The following MID1 variants were observed in gnomAD, a reference collection of about 807,000 sequenced individuals.
MID1 encodes the protein midline 1.
Under a neutral mutation model 40.4 loss-of-function variants are expected in MID1, and 7 were observed. The observed-to-expected ratio is 0.17, with a 90% CI of 0.10 to 0.33. MID1 has a LOEUF of 0.33. MID1 is among the 10% of genes least tolerant of loss of function. MID1 has a pLI of 1.00. For missense variants in MID1, 367 were observed against 558.5 expected, an observed-to-expected ratio of 0.66 and a Z score of 3.46; for synonymous variants, 229 against 221.2, an observed-to-expected ratio of 1.04 and a Z score of -0.31.
At chrX:10,559,040 C>T (rs1040670433) in intron 2 of MID1, among the ~76,000 whole-genome samples, 1 of 112,141 alleles carries the variant, frequency 8.9e-6, no homozygotes, top group Admixed American at 9.5e-5. Context: ...TTGAGTTTCC[C>T]ATTAAGAACA....
intron 1 of MID1, among the ~76,000 whole-genome samples, chrX:10,666,406 CAAA>C (rs33938561): frequency 1.5e-5 from 1 of 68,846 alleles, no homozygotes. Flanking sequence ...TGATAAACTG[CAAA>C]AAAAAAAAAA....
rs757588955 is a variant in MID1, at chrX:10,501,738, G to A, written c.757-6047C>T. Among the ~76,000 whole-genome samples, 3 of 111,556 alleles carry A rather than the reference G, an allele frequency of 2.7e-5. No homozygotes were observed. In the South Asian group the frequency reaches 1.2e-3, roughly 43 times the overall value. On this transcript the variant is annotated intron_variant, in intron 3 of 9. Transcript: ENST00000317552. ...CCATGTAAGTTGCTACTGGGTGCAC[G>A]GTTTACCTTCCCTTTCTAGAAATGC...
chrX:10,590,568 C>T (rs373430065), intron 1 of MID1, among the ~76,000 whole-genome samples: 1 of 111,439 alleles, frequency 9.0e-6, no homozygotes, highest in African/African-American at 3.3e-5. Flanking sequence ...AAGATTTAAA[C>T]TGTTTATTTG....
chrX:10,699,654 T>TA (rs2043182985), intron 1 of MID1, among the ~76,000 whole-genome samples: 1 of 111,754 alleles, frequency 8.9e-6, no homozygotes, highest in Non-Finnish European at 1.9e-5. Context: ...GTGTCACCCT[T>TA]AGTCTCTGTG....
At chrX:10,692,805 T>C (rs2043139536) in intron 1 of MID1, among the ~76,000 whole-genome samples, 1 of 111,520 alleles carries the variant, frequency 9.0e-6, no homozygotes, top group African/African-American at 3.3e-5. Context: ...ATTCAGAAAA[T>C]AGTGTAGCTT....
intron 1 of MID1, among the ~76,000 whole-genome samples, chrX:10,573,362 G>C (rs1364040827): frequency 1.8e-5 from 2 of 111,940 alleles, no homozygotes; most frequent in Non-Finnish European, 3.8e-5. Flanking sequence ...CATGGTACTG[G>C]CATCTGCTCA....
chrX:10,499,778 A>T (rs1931450058), intron 3 of MID1, among the ~76,000 whole-genome samples: 1 of 112,414 alleles, frequency 8.9e-6, no homozygotes, highest in Admixed American at 9.5e-5. Context: ...TCACTAACAT[A>T]TTCCACACTT....
chrX:10,557,660 T>C (rs1242623498), intron 2 of MID1, among the ~76,000 whole-genome samples: 1 of 112,235 alleles, frequency 8.9e-6, no homozygotes, highest in Non-Finnish European at 1.9e-5. Flanking sequence ...TGGTTTATAG[T>C]GGGCATTCGG....
intron 6 of MID1, 143 bp from the exon 7 acceptor site, chrX:10,469,983 G>C (rs1929608774): frequency 1.9e-6 from 1 of 532,047 alleles, no homozygotes; most frequent in South Asian, 3.4e-5. Context: ...CCAATCTAAA[G>C]AATATCTGAT....
At chrX:10,738,062 C>A (rs1394594089) in intron 1 of MID1, among the ~76,000 whole-genome samples, 1 of 111,206 alleles carries the variant, frequency 9.0e-6, no homozygotes, top group Non-Finnish European at 1.9e-5. Flanking sequence ...TGTCATCAGT[C>A]CCGGGGGCTG....
chrX:10,567,652 A>AG lies in MID1; in HGVS notation c.-56-50dup, dbSNP rs751072199. The AG allele has an allele frequency of 1.1e-4, 104 of 908,291 alleles. No homozygotes were observed. The African/African-American group carries it at 1.6e-3, about 14-fold the overall frequency. The allele number at this position is 908,291 out of a possible 1,213,427, so 74.9% of individuals were successfully genotyped here. A position where few individuals can be genotyped will look rare whatever the true frequency, so the allele number is the denominator to read the frequency against. ...GATTAGGCACAGGGAGGTCAACCAT[A>AG]GGGGGGTGTCAGCTTTGAATGCATC... On this transcript the variant is annotated intron_variant, in intron 1 of 9. Coordinates refer to ENST00000317552, the MANE Select transcript of MID1 (RefSeq NM_000381.4).
chrX:10,719,901 A>C (rs2043336717), intron 1 of MID1, among the ~76,000 whole-genome samples: 1 of 111,647 alleles, frequency 9.0e-6, no homozygotes, highest in African/African-American at 3.3e-5. Context: ...CTGCATATCT[A>C]CAACTATCTC....
intron 8 of MID1, among the ~76,000 whole-genome samples, 157 bp downstream of exon 8, chrX:10,459,489 T>C (rs1928891349): frequency 8.9e-6 from 1 of 112,331 alleles, no homozygotes; most frequent in African/African-American, 3.2e-5. Flanking sequence ...CCTAGAGGTA[T>C]CTGATGCAAA....
chrX:10,505,285 A>C, intron 3 of MID1: 2 of 689,488 alleles, frequency 2.9e-6, no homozygotes, highest in South Asian at 1.5e-4. Flanking sequence ...TTCCTAGGCT[A>C]CACTCAACTG....
At chrX:10,757,019 C>T (rs1213404434) in intron 1 of MID1, among the ~76,000 whole-genome samples, 1 of 112,031 alleles carries the variant, frequency 8.9e-6, no homozygotes, top group Admixed American at 9.5e-5. Context: ...GTCTCCATAG[C>T]ATTTTCATTG....
intron 2 of MID1, among the ~76,000 whole-genome samples, chrX:10,533,493 T>G (rs1484769930): frequency 9.4e-6 from 1 of 106,237 alleles, no homozygotes; most frequent in South Asian, 4.0e-4. Flanking sequence ...AAACAGTCCA[T>G]GTAGTTTTTA....
chrX:10,655,750 A>C (rs902103115), intron 1 of MID1, among the ~76,000 whole-genome samples: 14 of 110,751 alleles, frequency 1.3e-4, no homozygotes, highest in Non-Finnish European at 2.3e-4. Context: ...GCCGCTGGGA[A>C]CCTTTCATTA....
intron 3 of MID1, among the ~76,000 whole-genome samples, chrX:10,510,326 G>C (rs756132154): frequency 1.8e-5 from 2 of 111,108 alleles, no homozygotes; most frequent in South Asian, 3.8e-4. Context: ...AAGTACCCTC[G>C]AGCCGCTCTT....
chrX:10,558,848 A>T, intron 2 of MID1, among the ~76,000 whole-genome samples: 1 of 112,789 alleles, frequency 8.9e-6, no homozygotes, highest in South Asian at 3.7e-4. Context: ...TTACACAGCC[A>T]CATGATGAAG....
Sources: gnomAD v4.1 joint callset for allele counts (sites outside exome capture counted in the v4.1 genomes callset) on GRCh38, gnomAD v4.1.1 for gene constraint, MANE v1.5 for transcripts, NCBI Gene and HGNC (gene_info 2026-07-23, HGNC 2026-07-21) for gene names.